The following FSTL5 variants were observed in gnomAD, a reference collection of about 807,000 sequenced individuals.
FSTL5 encodes follistatin-related protein 5.
A neutral mutation model predicts 89.1 loss-of-function variants in FSTL5; 62 were observed. The ratio of observed to expected loss-of-function variants is 0.70; its 90% CI spans 0.57 to 0.86. The LOEUF (loss-of-function observed/expected upper bound fraction) is 0.86. Among genes scored for constraint, FSTL5 ranks in the 40% least tolerant of loss-of-function variants. The probability of loss-of-function intolerance (pLI) is 0.00; values close to 1 mark genes in which losing one functional copy is unlikely to be tolerated. For synonymous variants in FSTL5, 383 were observed against 346.2 expected, an observed-to-expected ratio of 1.11 and a Z score of -1.18; for missense variants, 1,057 against 1,001.6, an observed-to-expected ratio of 1.06 and a Z score of -0.75.
chr4:161,944,043 C>T (rs528821041), intron 3 of FSTL5, among the ~76,000 whole-genome samples: 1 of 152,068 alleles, frequency 6.6e-6, no homozygotes, highest in Non-Finnish European at 1.5e-5. Context: ...TAATTTCCAA[C>T]CTTTTAATGT....
intron 7 of FSTL5, among the ~76,000 whole-genome samples, chr4:161,603,412 T>G (rs1398953898): frequency 6.6e-6 from 1 of 152,160 alleles, no homozygotes; most frequent in Non-Finnish European, 1.5e-5. Context: ...GAGTTCTCTC[T>G]TTCTCTATTT....
intron 5 of FSTL5, among the ~76,000 whole-genome samples, chr4:161,761,417 T>C (rs1740798150): frequency 6.6e-6 from 1 of 152,216 alleles, no homozygotes; most frequent in African/African-American, 2.4e-5. Context: ...GCACTAAATA[T>C]GTACAATGTT....
intron 3 of FSTL5, among the ~76,000 whole-genome samples, chr4:161,922,187 CT>C (rs1211544862): frequency 6.6e-6 from 1 of 151,694 alleles, no homozygotes; most frequent in Non-Finnish European, 1.5e-5. Flanking sequence ...CTATTTGACT[CT>C]TTGATAAAAT....
At chr4:161,532,012 G>A (rs1018178270) in intron 10 of FSTL5, among the ~76,000 whole-genome samples, 6 of 151,978 alleles carry the variant, frequency 3.9e-5, no homozygotes, top group Non-Finnish European at 7.4e-5. Context: ...AGACCACCCT[G>A]GTTAACATGG....
Position 162,111,540 on chromosome 4 carries a change from G to A in FSTL5, c.-16-128C>T, listed in dbSNP as rs113502058. 1.7e-3 allele frequency: 1,020 copies of A among 615,696 alleles called. 8 individuals are homozygous for A. In the African/African-American group the frequency reaches 0.017, roughly 10 times the overall value. The allele number at this position is 615,696 out of a possible 1,614,324, so 38.1% of individuals were successfully genotyped here. On this transcript the variant is annotated intron_variant, in intron 1 of 15. Transcript: ENST00000306100. ...ATCAAAACTTGCTGGTAGTTGCCAA[G>A]GGAAATGAGAAGTGAGTATCTCCAA...
intron 4 of FSTL5, among the ~76,000 whole-genome samples, chr4:161,786,665 T>C (rs1043317530): frequency 5.3e-5 from 8 of 152,132 alleles, no homozygotes; most frequent in Non-Finnish European, 1.2e-4. Context: ...TTCTGGTATA[T>C]AGTTAAATTG....
intron 4 of FSTL5, among the ~76,000 whole-genome samples, chr4:161,861,278 C>G (rs1248002245): frequency 6.6e-6 from 1 of 152,122 alleles, no homozygotes; most frequent in Non-Finnish European, 1.5e-5. Context: ...CAAAAAATAG[C>G]AGGCCATGGT....
At chr4:162,095,057 T>TA (rs879532350) in intron 2 of FSTL5, among the ~76,000 whole-genome samples, 8 of 152,002 alleles carry the variant, frequency 5.3e-5, no homozygotes, top group Non-Finnish European at 7.4e-5. Context: ...TTACAATTCT[T>TA]AAAAAAAGCC....
intron 5 of FSTL5, among the ~76,000 whole-genome samples, chr4:161,774,239 T>G (rs1741316643): frequency 1.3e-5 from 2 of 151,878 alleles, no homozygotes. Context: ...CCCTACAACA[T>G]CACAAATGCA....
intron 14 of FSTL5, among the ~76,000 whole-genome samples, chr4:161,457,654 G>T (rs1733407106): frequency 2.0e-5 from 3 of 151,836 alleles, no homozygotes; most frequent in Non-Finnish European, 2.9e-5. Flanking sequence ...TAAAAAAAAA[G>T]ACATGAAAAA....
chr4:162,077,749 C>T (rs6831734), intron 2 of FSTL5, among the ~76,000 whole-genome samples: 143,232 of 151,876 alleles, frequency 0.94, 67,648 homozygotes, highest in Non-Finnish European at 0.98. Flanking sequence ...TTTATAAGGC[C>T]AGTTTCAGAA....
intron 13 of FSTL5, among the ~76,000 whole-genome samples, chr4:161,473,424 A>ATTT (rs70937654): frequency 0.013 from 1,632 of 129,750 alleles, 96 homozygotes; most frequent in African/African-American, 0.045. Context: ...GTCTCTTGTA[A>ATTT]TTTTTTTTTT....
At chr4:161,983,186 A>AT (rs1013737475) in intron 3 of FSTL5, among the ~76,000 whole-genome samples, 22 of 152,320 alleles carry the variant, frequency 1.4e-4, no homozygotes, top group African/African-American at 5.1e-4. Flanking sequence ...CACATCAATT[A>AT]TAAGTGGTAC....
chr4:161,713,790 A>AT (rs1276240806), intron 6 of FSTL5, among the ~76,000 whole-genome samples: 1 of 151,998 alleles, frequency 6.6e-6, no homozygotes, highest in Non-Finnish European at 1.5e-5. Context: ...TCATATTTTC[A>AT]TTTTTTGTAG....
chr4:161,794,188 C>A (rs1729559718), intron 4 of FSTL5, among the ~76,000 whole-genome samples: 1 of 152,106 alleles, frequency 6.6e-6, no homozygotes, highest in African/African-American at 2.4e-5. Flanking sequence ...CCCAGCAATG[C>A]TGATTTAATT....
intron 13 of FSTL5, among the ~76,000 whole-genome samples, chr4:161,467,379 C>T (rs1733782573): frequency 6.6e-6 from 1 of 152,006 alleles, no homozygotes; most frequent in African/African-American, 2.4e-5. Flanking sequence ...AACTTTGAAT[C>T]TAGGCTTAGT....
At chr4:161,748,904 CA>C (rs5863481) in intron 6 of FSTL5, among the ~76,000 whole-genome samples, 146,492 of 151,554 alleles carry the variant, frequency 0.97, 70,816 homozygotes, top group East Asian at 1. Context: ...ATACAAGTGG[CA>C]AAAAAAAATA....
chr4:161,767,092 A>T (rs1741041496), intron 5 of FSTL5, among the ~76,000 whole-genome samples: 1 of 152,216 alleles, frequency 6.6e-6, no homozygotes, highest in South Asian at 2.1e-4. Flanking sequence ...AACAATGTGA[A>T]TAAACCACCC....
At chr4:161,963,758 A>T (rs760312787) in intron 3 of FSTL5, among the ~76,000 whole-genome samples, 4 of 151,946 alleles carry the variant, frequency 2.6e-5, no homozygotes, top group Non-Finnish European at 5.9e-5. Context: ...GGCCTTGGAT[A>T]AGTATAAATA....
Sources: allele counts gnomAD v4.1 joint callset (sites outside exome capture counted in the v4.1 genomes callset), GRCh38; gene constraint gnomAD v4.1.1; transcripts MANE v1.5; gene names NCBI Gene and HGNC (gene_info 2026-07-23, HGNC 2026-07-21).